Variants in AUH observed in about 807,000 individuals in gnomAD.
AUH encodes the protein AU RNA binding methylglutaconyl-CoA hydratase.
A neutral mutation model predicts 42.3 loss-of-function variants in AUH; 29 were observed. The observed-to-expected ratio is 0.69, with a 90% CI of 0.51 to 0.93. AUH has a LOEUF of 0.93. AUH is among the 40% of genes least tolerant of loss of function. AUH has a pLI of 0.00. For synonymous variants in AUH, 174 were observed against 166.4 expected (o/e 1.05, Z -0.35); for missense variants, 452 against 438.1 (o/e 1.03, Z -0.28).
intron 6 of AUH, among the ~76,000 whole-genome samples, chr9:91,267,273 C>T (rs138588788): frequency 9.6e-4 from 146 of 152,260 alleles, no homozygotes; most frequent in African/African-American, 3.4e-3. Context: ...CTATCATCAC[C>T]TTCATTTTAC....
rs1363141538 is a variant in AUH at position 91,232,027 on chromosome 9, T to G, written c.656-11035A>C. On this transcript the variant is annotated intron_variant, in intron 6 of 9. Coordinates refer to ENST00000375731, the MANE Select transcript of AUH (RefSeq NM_001698.3). ...TTCTTACCACACAAAAAAAGATAAG[T>G]TGGTGAAGTCGTGGATATGTTAATT... Among the ~76,000 whole-genome samples, 7 of 152,284 alleles carry G rather than the reference T, an allele frequency of 4.6e-5. No individual in the cohort carries two copies. In the East Asian group the frequency reaches 1.4e-3, roughly 29 times the overall value.
Position 91,324,178 on chromosome 9 carries a change from A to G in AUH, c.505+1140T>C, listed in dbSNP as rs575356704. Among the ~76,000 whole-genome samples, 25 of 152,328 alleles carry G rather than the reference A, an allele frequency of 1.6e-4. No homozygotes were observed. In the South Asian group the frequency reaches 5.2e-3, roughly 32 times the overall value. On this transcript the variant is annotated intron_variant, in intron 4 of 9. Coordinates refer to ENST00000375731, the MANE Select transcript of AUH (RefSeq NM_001698.3). ...AAGTAGTTATTAAATAATCCTATAAAAGGAGGATGAAGATGTGAAAGGCAA... is the reference window on the plus strand; with the variant it reads ...AAGTAGTTATTAAATAATCCTATAAGAGGAGGATGAAGATGTGAAAGGCAA...
intron 6 of AUH, among the ~76,000 whole-genome samples, chr9:91,232,699 T>C (rs1827958065): frequency 6.6e-6 from 1 of 152,230 alleles, no homozygotes; most frequent in Non-Finnish European, 1.5e-5. Flanking sequence ...AATGTGTGAA[T>C]GCTTAGAATA....
intron 3 of AUH, among the ~76,000 whole-genome samples, chr9:91,350,618 G>A (rs1045457794): frequency 1.4e-4 from 21 of 151,988 alleles, no homozygotes; most frequent in African/African-American, 4.3e-4. Context: ...AATTAGCTGG[G>A]CATTGCAGCA....
chr9:91,217,045 A>G (rs561077535), intron 8 of AUH, among the ~76,000 whole-genome samples: 3 of 152,384 alleles, frequency 2.0e-5, no homozygotes, highest in African/African-American at 7.2e-5. Flanking sequence ...CATAAGCTTC[A>G]GGGCACTGGT....
At chr9:91,355,118 A>G (rs765509165) in intron 3 of AUH, among the ~76,000 whole-genome samples, 3 of 152,216 alleles carry the variant, frequency 2.0e-5, no homozygotes, top group Non-Finnish European at 4.4e-5. Context: ...TCGGTATCCT[A>G]CATTTTAAGA....
intron 6 of AUH, among the ~76,000 whole-genome samples, chr9:91,288,046 C>G (rs1826554645): frequency 6.6e-6 from 1 of 151,942 alleles, no homozygotes; most frequent in Non-Finnish European, 1.5e-5. Flanking sequence ...ATGCCTCCCC[C>G]CAGAAGCTGG....
At chr9:91,313,224 C>CCACAT (rs1828848653) in intron 4 of AUH, among the ~76,000 whole-genome samples, 1 of 152,130 alleles carries the variant, frequency 6.6e-6, no homozygotes, top group Non-Finnish European at 1.5e-5. Context: ...TGGCATTTTG[C>CCACAT]AGGAGTGACT....
At chr9:91,330,166 C>T (rs1013619420) in intron 3 of AUH, among the ~76,000 whole-genome samples, 19 of 152,028 alleles carry the variant, frequency 1.2e-4, no homozygotes, top group African/African-American at 4.3e-4. Context: ...AACTGTATTT[C>T]TATATACTAG....
At chr9:91,321,328 T>C (rs755973934) in intron 4 of AUH, among the ~76,000 whole-genome samples, 3 of 152,240 alleles carry the variant, frequency 2.0e-5, no homozygotes, top group Non-Finnish European at 2.9e-5. Flanking sequence ...TCTAAGTTTA[T>C]GCTATTTTTT....
At chr9:91,216,840 C>G (rs938479253) in intron 8 of AUH, among the ~76,000 whole-genome samples, 12 of 152,214 alleles carry the variant, frequency 7.9e-5, no homozygotes, top group Admixed American at 5.9e-4. Flanking sequence ...TCACCTTATA[C>G]CTGCATTGCG....
At chr9:91,316,646 T>C (rs1351125028) in intron 4 of AUH, among the ~76,000 whole-genome samples, 1 of 152,210 alleles carries the variant, frequency 6.6e-6, no homozygotes, top group Non-Finnish European at 1.5e-5. Flanking sequence ...TGGCTGACCA[T>C]CTTTTCCTAT....
At chr9:91,295,873 C>CT (rs1436474525) in intron 6 of AUH, 148 bp downstream of exon 6, 1 of 879,712 alleles carries the variant, frequency 1.1e-6, no homozygotes, top group African/African-American at 1.7e-5. Context: ...ATGCCTGTAA[C>CT]TTGAATGGGG....
At chr9:91,257,286 G>C (rs1829455857) in intron 6 of AUH, among the ~76,000 whole-genome samples, 1 of 151,884 alleles carries the variant, frequency 6.6e-6, no homozygotes, top group African/African-American at 2.4e-5. Flanking sequence ...CTCTGCCACA[G>C]AGACTACTGG....
intron 4 of AUH, among the ~76,000 whole-genome samples, chr9:91,320,268 T>A (rs1470486314): frequency 6.6e-6 from 1 of 152,250 alleles, no homozygotes; most frequent in Non-Finnish European, 1.5e-5. Flanking sequence ...TTTCTAACTG[T>A]TAAAGCAAAC....
At chr9:91,353,452 C>A (rs1025976908) in intron 3 of AUH, among the ~76,000 whole-genome samples, 2 of 152,098 alleles carry the variant, frequency 1.3e-5, no homozygotes, top group Non-Finnish European at 2.9e-5. Flanking sequence ...AGACCACATT[C>A]CTCAACAATA....
At chr9:91,283,515 T>A (rs1587766510) in intron 6 of AUH, among the ~76,000 whole-genome samples, 1 of 152,142 alleles carries the variant, frequency 6.6e-6, no homozygotes, top group Admixed American at 6.5e-5. Flanking sequence ...AAAGAGGAAG[T>A]CAAATTGTCC....
chr9:91,296,648 T>C (rs562671662), intron 5 of AUH, among the ~76,000 whole-genome samples: 1 of 152,006 alleles, frequency 6.6e-6, no homozygotes, highest in South Asian at 2.1e-4. Flanking sequence ...CAAATATACT[T>C]AGACTACTTC....
chr9:91,256,370 G>A (rs1780760833), intron 6 of AUH, among the ~76,000 whole-genome samples: 1 of 152,080 alleles, frequency 6.6e-6, no homozygotes, highest in South Asian at 2.1e-4. Flanking sequence ...AGACTATCGA[G>A]AACCCCAGAT....
Sources: gnomAD v4.1 joint callset for allele counts (sites outside exome capture counted in the v4.1 genomes callset) on GRCh38, gnomAD v4.1.1 for gene constraint, MANE v1.5 for transcripts, NCBI Gene and HGNC (gene_info 2026-07-23, HGNC 2026-07-21) for gene names.